NR2F1-AS1: variants seen among roughly 807,000 people sequenced by gnomAD.
The protein encoded by NR2F1-AS1 is NR2F1 regulatory antisense RNA 1, also known as NR2F1 antisense RNA 1.
intron 4 of NR2F1-AS1, among the ~76,000 whole-genome samples, chr5:93,523,024 G>A (rs1451230710): frequency 1.3e-5 from 2 of 152,042 alleles, no homozygotes; most frequent in Non-Finnish European, 2.9e-5. Flanking sequence ...TGGAAAGGGG[G>A]CTAAAGCCAG....
intron 4 of NR2F1-AS1, among the ~76,000 whole-genome samples, chr5:93,439,890 A>G (rs950997764): frequency 1.1e-4 from 17 of 152,204 alleles, no homozygotes; most frequent in Non-Finnish European, 2.4e-4. Flanking sequence ...TTTAGTACAC[A>G]GTATTTAAAT....
intron 1 of NR2F1-AS1, among the ~76,000 whole-genome samples, chr5:93,568,160 T>G (rs1752659810): frequency 6.6e-6 from 1 of 152,210 alleles, no homozygotes; most frequent in Non-Finnish European, 1.5e-5. Context: ...CTTGTGTAAA[T>G]TCCAGCAAGC....
At chr5:93,448,975 G>A (rs1203579491) in intron 4 of NR2F1-AS1, among the ~76,000 whole-genome samples, 8 of 152,134 alleles carry the variant, frequency 5.3e-5, no homozygotes, top group Non-Finnish European at 1.2e-4. Context: ...AGGTAGCTTT[G>A]AATCTTATTT....
At chr5:93,457,180 G>T (rs1371985190) in intron 4 of NR2F1-AS1, among the ~76,000 whole-genome samples, 1 of 152,114 alleles carries the variant, frequency 6.6e-6, no homozygotes, top group African/African-American at 2.4e-5. Context: ...GCTGGGGAAC[G>T]GTCAGGTCTT....
intron 4 of NR2F1-AS1, among the ~76,000 whole-genome samples, chr5:93,476,618 T>A (rs1319242351): frequency 1.3e-5 from 2 of 152,200 alleles, no homozygotes; most frequent in Non-Finnish European, 2.9e-5. Flanking sequence ...CTGCCTTCAA[T>A]ATCCCATACA....
At chr5:93,560,968 C>T (rs1214573551) in intron 2 of NR2F1-AS1, among the ~76,000 whole-genome samples, 2 of 152,190 alleles carry the variant, frequency 1.3e-5, no homozygotes, top group Non-Finnish European at 2.9e-5. Flanking sequence ...TTGTTAACCT[C>T]TTTATCTAAA....
intron 4 of NR2F1-AS1, chr5:93,543,646 A>G (rs1752007654): frequency 6.6e-6 from 1 of 152,194 alleles, no homozygotes; most frequent in South Asian, 2.1e-4. Flanking sequence ...AGAAGAAAGA[A>G]TATTTGTGGA....
chr5:93,414,112 AC>A (rs768449296), intron 4 of NR2F1-AS1, among the ~76,000 whole-genome samples: 8 of 152,240 alleles, frequency 5.3e-5, no homozygotes, highest in Non-Finnish European at 8.8e-5. Flanking sequence ...TTTACATATA[AC>A]ATATACATAC....
chr5:93,526,646 C>A (rs1442544960), intron 4 of NR2F1-AS1, among the ~76,000 whole-genome samples: 1 of 152,142 alleles, frequency 6.6e-6, no homozygotes, highest in Admixed American at 6.5e-5. Flanking sequence ...AGCTTATCTA[C>A]CACAATCAAG....
chr5:93,478,218 T>A (rs1216100787), intron 4 of NR2F1-AS1, among the ~76,000 whole-genome samples: 1 of 152,164 alleles, frequency 6.6e-6, no homozygotes, highest in African/African-American at 2.4e-5. Context: ...GGAATCTATG[T>A]CAGCAATAAG....
chr5:93,499,227 C>G (rs1406231584), intron 4 of NR2F1-AS1, among the ~76,000 whole-genome samples: 5 of 152,110 alleles, frequency 3.3e-5, no homozygotes, highest in African/African-American at 1.2e-4. Context: ...CAATTAACTA[C>G]AGAAAACGGT....
At chr5:93,468,207 C>G (rs1185816864) in intron 4 of NR2F1-AS1, among the ~76,000 whole-genome samples, 1 of 152,178 alleles carries the variant, frequency 6.6e-6, no homozygotes, top group Non-Finnish European at 1.5e-5. Flanking sequence ...ATTTCTAGTT[C>G]TAGATCCTTG....
intron 3 of NR2F1-AS1, among the ~76,000 whole-genome samples, chr5:93,554,428 T>C (rs1172557775): frequency 6.6e-6 from 1 of 152,176 alleles, no homozygotes. Flanking sequence ...GGTTTTACAA[T>C]AAAATAGTTC....
chr5:93,567,234 T>C (rs1396146216), intron 1 of NR2F1-AS1, among the ~76,000 whole-genome samples: 1 of 152,130 alleles, frequency 6.6e-6, no homozygotes, highest in African/African-American at 2.4e-5. Flanking sequence ...ACCTTTTTTT[T>C]TCCTGGGTTA....
At chr5:93,449,476 T>C (rs912612469) in intron 4 of NR2F1-AS1, among the ~76,000 whole-genome samples, 26 of 152,182 alleles carry the variant, frequency 1.7e-4, no homozygotes, top group Non-Finnish European at 2.8e-4. Context: ...AAAATACCAA[T>C]ACTAGACCAT....
chr5:93,502,075 A>T (rs1371227025), intron 4 of NR2F1-AS1, among the ~76,000 whole-genome samples: 1 of 152,226 alleles, frequency 6.6e-6, no homozygotes, highest in Non-Finnish European at 1.5e-5. Flanking sequence ...ATGTATTTTT[A>T]AATTAAAGTA....
intron 1 of NR2F1-AS1, among the ~76,000 whole-genome samples, chr5:93,580,025 C>T (rs967246347): frequency 3.3e-5 from 5 of 152,234 alleles, no homozygotes; most frequent in African/African-American, 9.6e-5. Flanking sequence ...AGGCAAGGCG[C>T]GGGCACAAGG....
chr5:93,502,475 A>T (rs1273897141), intron 4 of NR2F1-AS1, among the ~76,000 whole-genome samples: 2 of 152,198 alleles, frequency 1.3e-5, no homozygotes, highest in Non-Finnish European at 2.9e-5. Flanking sequence ...GTAGAAACTG[A>T]ACCTAGGGGC....
intron 4 of NR2F1-AS1, among the ~76,000 whole-genome samples, chr5:93,491,185 G>A (rs1456189694): frequency 6.6e-6 from 1 of 150,894 alleles, no homozygotes; most frequent in Non-Finnish European, 1.5e-5. Flanking sequence ...TGGTGGTGGT[G>A]GCAGTGGTGG....
Sources: gnomAD v4.1 joint callset for allele counts (sites outside exome capture counted in the v4.1 genomes callset) on GRCh38, gnomAD v4.1.1 for gene constraint, MANE v1.5 for transcripts, NCBI Gene and HGNC (gene_info 2026-07-23, HGNC 2026-07-21) for gene names.